Variants in STARD13 observed in about 807,000 individuals in gnomAD.
STARD13 encodes the protein StAR related lipid transfer domain containing 13, also known as stAR-related lipid transfer protein 13.
A neutral mutation model predicts 106.4 loss-of-function variants in STARD13; 62 were observed. That is an observed-to-expected ratio of 0.58 (90% confidence interval 0.48 to 0.72). The LOEUF is 0.72. Among genes scored for constraint, STARD13 ranks in the 30% least tolerant of loss-of-function variants. STARD13 has a pLI of 0.00. For missense variants in STARD13, 1,387 were observed against 1,424.0 expected (o/e 0.97, Z 0.42); for synonymous variants, 565 against 553.0 (o/e 1.02, Z -0.31).
At chr13:33,267,977 T>C (rs78944565) in intron 1 of STARD13, among the ~76,000 whole-genome samples, 2,976 of 152,294 alleles carry the variant, frequency 0.02, 47 homozygotes, top group Non-Finnish European at 0.033. Context: ...TTAACTGTAC[T>C]GTTAAGGCAA....
chr13:33,143,588 TG>T (rs1249250866), intron 3 of STARD13, among the ~76,000 whole-genome samples: 1 of 151,880 alleles, frequency 6.6e-6, no homozygotes, highest in Admixed American at 6.6e-5. Flanking sequence ...AGTCTCACTC[TG>T]TTGCTCAGGC....
At chr13:33,266,536 C>T (rs1890904996) in intron 1 of STARD13, among the ~76,000 whole-genome samples, 1 of 152,198 alleles carries the variant, frequency 6.6e-6, no homozygotes, top group Admixed American at 6.5e-5. Flanking sequence ...TTCCTATAAC[C>T]TCCACATGTC....
chr13:33,488,036 T>C, the STARD13 span, among the ~76,000 whole-genome samples: 1 of 152,222 alleles, frequency 6.6e-6, no homozygotes, highest in Non-Finnish European at 1.5e-5. Context: ...TTGGCTTCTA[T>C]GATACTGCCC....
At chr13:33,465,367 G>A in the STARD13 span, among the ~76,000 whole-genome samples, 33 of 151,884 alleles carry the variant, frequency 2.2e-4, no homozygotes, top group East Asian at 6.4e-3. Context: ...CACCACGCCC[G>A]GCTAATTGTT....
At chr13:33,644,564 T>TA in the STARD13 span, among the ~76,000 whole-genome samples, 2 of 151,158 alleles carry the variant, frequency 1.3e-5, no homozygotes, top group African/African-American at 4.9e-5. Context: ...AAAACAGAGA[T>TA]ACAATGAGAG....
intron 1 of STARD13, among the ~76,000 whole-genome samples, chr13:33,212,071 G>A (rs1887756038): frequency 6.6e-6 from 1 of 152,136 alleles, no homozygotes; most frequent in South Asian, 2.1e-4. Flanking sequence ...TTAGCTCAGT[G>A]GAACCCCAGT....
At chr13:33,464,393 T>A in the STARD13 span, among the ~76,000 whole-genome samples, 1 of 152,158 alleles carries the variant, frequency 6.6e-6, no homozygotes, top group African/African-American at 2.4e-5. Flanking sequence ...CATATGTTGC[T>A]CCAAAACCTT....
chr13:33,221,477 G>A lies in STARD13; in HGVS notation c.170-53855C>T, dbSNP rs528911535. On this transcript the variant is annotated intron_variant, in intron 1 of 13. Transcript: ENST00000336934. The stretch of plus-strand genomic sequence containing the variant: ...ATGAGAACTGCAAACTGACAGTAGC[G>A]CAAAAGCATCAGTCTTACTTTGACA... 3.9e-5 allele frequency among the ~76,000 whole-genome samples: 6 copies of A among 152,276 alleles called. No homozygotes were observed. In the East Asian group the frequency reaches 5.8e-4, roughly 15 times the overall value.
intron 3 of STARD13, among the ~76,000 whole-genome samples, chr13:33,157,670 A>AAAAC (rs1306290180): frequency 6.6e-6 from 1 of 152,156 alleles, no homozygotes; most frequent in Admixed American, 6.6e-5. Flanking sequence ...ACTCTGCCTA[A>AAAAC]AAACAAACAA....
the STARD13 span, among the ~76,000 whole-genome samples, chr13:33,601,889 A>T: frequency 2.0e-5 from 3 of 152,118 alleles, no homozygotes; most frequent in Admixed American, 6.5e-5. Context: ...GGATGCTGCG[A>T]TCTCTAGTTA....
chr13:33,384,232 A>G, the STARD13 span, among the ~76,000 whole-genome samples: 1 of 152,190 alleles, frequency 6.6e-6, no homozygotes, highest in Non-Finnish European at 1.5e-5. Context: ...AATAACAACT[A>G]GGTAGCTTCT....
the STARD13 span, among the ~76,000 whole-genome samples, chr13:33,373,816 A>C: frequency 2.6e-5 from 4 of 152,136 alleles, no homozygotes; most frequent in Non-Finnish European, 4.4e-5. Flanking sequence ...ATGTAGAGAA[A>C]TTGGAATCTT....
chr13:33,316,588 T>C (rs1594254408), intron 1 of STARD13, among the ~76,000 whole-genome samples: 1 of 152,180 alleles, frequency 6.6e-6, no homozygotes, highest in South Asian at 2.1e-4. Flanking sequence ...CAGGAAGTGA[T>C]TTGCCTGCTG....
the STARD13 span, among the ~76,000 whole-genome samples, chr13:33,673,569 A>T: frequency 2.9e-5 from 3 of 102,606 alleles, no homozygotes; most frequent in African/African-American, 2.6e-4. Context: ...TTTGAGACAG[A>T]GTCTCACTCT....
chr13:33,411,230 A>T, the STARD13 span, among the ~76,000 whole-genome samples: 4 of 152,342 alleles, frequency 2.6e-5, no homozygotes, highest in African/African-American at 9.6e-5. Flanking sequence ...AGCTCCTGTC[A>T]GGCAAAATAA....
chr13:33,381,399 A>G, the STARD13 span, among the ~76,000 whole-genome samples: 1 of 152,216 alleles, frequency 6.6e-6, no homozygotes, highest in Non-Finnish European at 1.5e-5. Context: ...CATACATTAC[A>G]TATTCAGAAA....
rs761884659 is a variant in STARD13, at chr13:33,111,781, A to T, written c.2604T>A (p.Phe868Leu). The T allele has an allele frequency of 1.4e-5, 23 of 1,612,174 alleles. No individual in the cohort carries two copies. The highest frequency in any genetic ancestry group is 1.9e-5 in the Non-Finnish European group (22 of 1,178,262). Residue 868 changes from phenylalanine to leucine, a missense_variant, in exon 10 of 14, where the codon TTT becomes TTA. By Grantham distance (22) the Phe-to-Leu change is conservative. Coordinates refer to ENST00000336934, the MANE Select transcript of STARD13 (RefSeq NM_178006.4). Reference sequence around the variant, plus strand: ...GAGGTTCGAGCCTTTTGCTCACCTCAAAAAGTCTGTCGCATTCCATGATCA... The same window carrying T: ...GAGGTTCGAGCCTTTTGCTCACCTCTAAAAGTCTGTCGCATTCCATGATCA... Reference protein sequence around the residue: ...AHMIMECDRLFEVPHELVAQS... With the variant: ...AHMIMECDRLLEVPHELVAQS...
chr13:33,552,281 A>G, the STARD13 span, among the ~76,000 whole-genome samples: 11 of 152,294 alleles, frequency 7.2e-5, no homozygotes, highest in East Asian at 1.9e-3. Context: ...ACACAACACG[A>G]TCAGCAGACT....
In STARD13 at chr13:33,127,302, A is replaced by G. The variant is rs1593901254; in HGVS notation, c.1922+71T>C. 15 of 1,458,550 alleles carry G rather than the reference A, an allele frequency of 1.0e-5. No homozygotes were observed. The East Asian group carries it at 2.0e-4, about 20-fold the overall frequency. The allele number at this position is 1,458,550 out of a possible 1,614,324, so 90.4% of individuals were successfully genotyped here. Reference sequence around the variant, plus strand: ...GTTTTTCAGATATCACAAAGTAAACATGGAAGCTTCTGCAATCACACACTT... The same window carrying G: ...GTTTTTCAGATATCACAAAGTAAACGTGGAAGCTTCTGCAATCACACACTT... On this transcript the variant is annotated intron_variant, in intron 6 of 13. Coordinates refer to ENST00000336934, the MANE Select transcript of STARD13 (RefSeq NM_178006.4).
Sources: allele counts gnomAD v4.1 joint callset (sites outside exome capture counted in the v4.1 genomes callset), GRCh38; gene constraint gnomAD v4.1.1; transcripts MANE v1.5; gene names NCBI Gene and HGNC (gene_info 2026-07-23, HGNC 2026-07-21).